CD1B: variants seen among roughly 807,000 people sequenced by gnomAD.
The protein encoded by CD1B is CD1b molecule.
CD1B carries 43 observed loss-of-function variants against 39.8 expected under a neutral mutation model. The ratio of observed to expected loss-of-function variants is 1.08; its 90% confidence interval spans 0.85 to 1.39. The LOEUF (loss-of-function observed/expected upper bound fraction) is 1.39, where lower values mean the gene tolerates loss of function less well. CD1B is among the 40% of genes most tolerant of loss of function. The pLI is 0.00. For synonymous variants in CD1B, 192 were observed against 152.5 expected, an observed-to-expected ratio of 1.26 and a Z score of -1.91; for missense variants, 495 against 403.8, an observed-to-expected ratio of 1.23 and a Z score of -1.94.
the CD1B span, among the ~76,000 whole-genome samples, chr1:158,311,923 G>A: frequency 6.6e-6 from 1 of 152,126 alleles, no homozygotes; most frequent in Non-Finnish European, 1.5e-5. Flanking sequence ...TTGAAATCAG[G>A]TAGTGTGATT....
At chr1:158,293,662 G>C in the CD1B span, 7 of 1,392,106 alleles carry the variant, frequency 5.0e-6, no homozygotes, top group Admixed American at 8.0e-5. Context: ...TTTTTATATA[G>C]CACTCAACCT....
chr1:158,323,257 GC>G (rs750348971), downstream of CD1B, among the ~76,000 whole-genome samples: 1 of 147,908 alleles, frequency 6.8e-6, no homozygotes, highest in Non-Finnish European at 1.5e-5. Context: ...TTTTTCTTCT[GC>G]TTGATTAATT....
At chr1:158,316,470 G>C in the CD1B span, among the ~76,000 whole-genome samples, 1 of 151,728 alleles carries the variant, frequency 6.6e-6, no homozygotes, top group East Asian at 1.9e-4. Context: ...TCTGTTGTTG[G>C]TGTATAAGAA....
chr1:158,292,669 C>T, the CD1B span: 6,505 of 1,613,886 alleles, frequency 4.0e-3, 22 homozygotes, highest in Non-Finnish European at 5.0e-3. Flanking sequence ...GTCATGCCTC[C>T]GGCTTCTACC....
downstream of CD1B, among the ~76,000 whole-genome samples, chr1:158,325,640 T>TACAC (rs57890038): frequency 2.1e-3 from 312 of 149,094 alleles, 1 homozygote; most frequent in African/African-American, 6.4e-3. Flanking sequence ...ATACATTTTA[T>TACAC]ACACACACAC....
At chr1:158,292,916 C>G in the CD1B span, 1 of 1,599,866 alleles carries the variant, frequency 6.3e-7, no homozygotes, top group East Asian at 2.2e-5. Context: ...GGTTCTTGAG[C>G]CTAGAGGTTA....
the CD1B span, among the ~76,000 whole-genome samples, chr1:158,290,693 A>G: frequency 6.6e-6 from 1 of 152,164 alleles, no homozygotes; most frequent in Non-Finnish European, 1.5e-5. Context: ...GTCAGAATAT[A>G]GATGTAGAGG....
the CD1B span, among the ~76,000 whole-genome samples, chr1:158,306,897 AAC>A: frequency 6.6e-6 from 1 of 152,224 alleles, no homozygotes; most frequent in Non-Finnish European, 1.5e-5. Flanking sequence ...ACAAAGACAC[AAC>A]ATACCAGAAT....
chr1:158,309,982 A>C, the CD1B span, among the ~76,000 whole-genome samples: 1 of 113,660 alleles, frequency 8.8e-6, no homozygotes, highest in Non-Finnish European at 1.7e-5. Context: ...AACGTATAAT[A>C]ATAAAAAAAA....
the CD1B span, among the ~76,000 whole-genome samples, chr1:158,307,051 G>T: frequency 1.3e-5 from 2 of 152,158 alleles, no homozygotes; most frequent in South Asian, 4.1e-4. Context: ...ACATTCAAAA[G>T]CTAGCAGAAG....
At chr1:158,303,945 A>G in the CD1B span, among the ~76,000 whole-genome samples, 1 of 152,188 alleles carries the variant, frequency 6.6e-6, no homozygotes, top group Non-Finnish European at 1.5e-5. Flanking sequence ...CAGAATCAAA[A>G]AAGAGTCTGG....
intron 5 of CD1B, among the ~76,000 whole-genome samples, chr1:158,328,650 A>G (rs1184175000): frequency 1.3e-5 from 2 of 152,218 alleles, no homozygotes; most frequent in African/African-American, 4.8e-5. Flanking sequence ...GCAAGACAGA[A>G]GAGTTTTGAA....
the CD1B span, among the ~76,000 whole-genome samples, chr1:158,293,028 TG>T: frequency 1.7e-4 from 26 of 152,336 alleles, no homozygotes; most frequent in Middle Eastern, 6.8e-3. Flanking sequence ...AAGGGATACA[TG>T]GATACTAGAG....
chr1:158,306,609 C>A, the CD1B span, among the ~76,000 whole-genome samples: 1 of 152,162 alleles, frequency 6.6e-6, no homozygotes, highest in Non-Finnish European at 1.5e-5. Flanking sequence ...CTCTCCACCC[C>A]AAATCAACAG....
At chr1:158,301,490 C>A in the CD1B span, among the ~76,000 whole-genome samples, 3 of 152,066 alleles carry the variant, frequency 2.0e-5, no homozygotes. Flanking sequence ...CTGGTGGTGA[C>A]AAAATCTCTT....
At chr1:158,328,406 A>G (rs1016638679) in intron 5 of CD1B, 149 bp from the exon 6 acceptor site, 2 of 558,626 alleles carry the variant, frequency 3.6e-6, no homozygotes, top group Non-Finnish European at 6.3e-6. Flanking sequence ...TTATACGCAT[A>G]TGGTGGAATA....
the CD1B span, chr1:158,292,391 A>AAGAGGGG: frequency 3.8e-6 from 6 of 1,597,578 alleles, no homozygotes; most frequent in Non-Finnish European, 5.1e-6. Flanking sequence ...CCCTTCCTCT[A>AAGAGGGG]AGATTTTTCT....
At chr1:158,318,147 G>C in the CD1B span, among the ~76,000 whole-genome samples, 17 of 152,270 alleles carry the variant, frequency 1.1e-4, no homozygotes, top group African/African-American at 4.1e-4. Flanking sequence ...CTGTTGATTT[G>C]GGGTGGAGAG....
At chr1:158,307,560 G>A in the CD1B span, among the ~76,000 whole-genome samples, 2 of 152,146 alleles carry the variant, frequency 1.3e-5, no homozygotes, top group Non-Finnish European at 2.9e-5. Flanking sequence ...TAGAAAAAGA[G>A]GGAATCCTAC....
Sources: allele counts gnomAD v4.1 joint callset (sites outside exome capture counted in the v4.1 genomes callset), GRCh38; gene constraint gnomAD v4.1.1; transcripts MANE v1.5; gene names NCBI Gene and HGNC (gene_info 2026-07-23, HGNC 2026-07-21).